Variants in ARMC2 observed in about 807,000 individuals in gnomAD.
The protein encoded by ARMC2 is armadillo repeat-containing protein 2.
ARMC2 carries 67 observed loss-of-function variants against 90.3 expected under a neutral mutation model. That is an observed-to-expected ratio of 0.74 (90% CI 0.61 to 0.91). ARMC2 has a LOEUF of 0.91. Ranked by LOEUF, ARMC2 falls within the 40% of genes least tolerant of loss-of-function variation. ARMC2 has a pLI of 0.00. For missense variants in ARMC2, 920 were observed against 1,030.9 expected (o/e 0.89, Z 1.47); for synonymous variants, 393 against 393.0 (o/e 1.00, Z 0.00).
chr6:108,950,184 C>T (rs535727740), intron 12 of ARMC2, among the ~76,000 whole-genome samples: 33 of 151,922 alleles, frequency 2.2e-4, no homozygotes, highest in East Asian at 1.2e-3. Flanking sequence ...CTAGCCTGGG[C>T]GACAGAGCAA....
the ARMC2 span, among the ~76,000 whole-genome samples, chr6:109,021,545 C>G: frequency 9.0e-4 from 137 of 152,062 alleles, no homozygotes; most frequent in African/African-American, 3.3e-3. Context: ...TCAAGCAATT[C>G]TCGTGCCTCA....
At chr6:108,972,639 G>A (rs1309526423) in intron 17 of ARMC2, among the ~76,000 whole-genome samples, 8 of 152,130 alleles carry the variant, frequency 5.3e-5, no homozygotes, top group Admixed American at 5.2e-4. Flanking sequence ...TAAGGAATTA[G>A]TTGAAATAAG....
chr6:108,879,122 A>G (rs928936968), intron 5 of ARMC2, among the ~76,000 whole-genome samples: 2 of 149,942 alleles, frequency 1.3e-5, no homozygotes, highest in African/African-American at 4.9e-5. Flanking sequence ...TCATCCATCC[A>G]TCCATCCATC....
At chr6:108,911,118 C>T (rs1353960684) in intron 9 of ARMC2, 117 bp downstream of exon 9, 1 of 672,330 alleles carries the variant, frequency 1.5e-6, no homozygotes, top group Non-Finnish European at 2.5e-6. Flanking sequence ...TAGAAACATG[C>T]AGAAGTTATG....
In ARMC2 at chr6:108,879,979, A is replaced by G. The variant is rs1700727445; in HGVS notation, c.671+3629A>G. The G allele has an allele frequency of 8.5e-6, 4 of 469,282 alleles. 1 individual carries two copies. The Middle Eastern group carries it at 1.3e-3, about 153-fold the overall frequency. 29.1% of individuals were successfully genotyped at this position (469,282 alleles called of 1,614,324 possible). On this transcript the variant is annotated intron_variant, in intron 5 of 17. Transcript: ENST00000392644. The stretch of plus-strand genomic sequence containing the variant: ...ACTAAGGCTTGAAAGCCTTACTAAT[A>G]AACTATCGAGTGCTCTTAGTATTGT...
chr6:108,913,817 T>C (rs1447893793), intron 10 of ARMC2, among the ~76,000 whole-genome samples: 1 of 152,196 alleles, frequency 6.6e-6, no homozygotes, highest in Non-Finnish European at 1.5e-5. Context: ...TTAGCTAACA[T>C]TGTTCACACT....
intron 12 of ARMC2, among the ~76,000 whole-genome samples, chr6:108,938,370 G>C (rs2128493675): frequency 6.7e-6 from 1 of 149,944 alleles, no homozygotes; most frequent in South Asian, 2.1e-4. Context: ...CCCAGCTTTA[G>C]CCTCCCAAGT....
chr6:108,898,251 G>T (rs1473877373), intron 6 of ARMC2, among the ~76,000 whole-genome samples: 2 of 152,118 alleles, frequency 1.3e-5, no homozygotes, highest in Admixed American at 6.5e-5. Context: ...TCCTCTGTCT[G>T]TCTCTGTCTC....
intron 1 of ARMC2, among the ~76,000 whole-genome samples, chr6:108,853,012 T>C (rs560316753): frequency 6.6e-6 from 1 of 152,310 alleles, no homozygotes; most frequent in African/African-American, 2.4e-5. Context: ...GGAAATAAAA[T>C]GTACTAGGCC....
chr6:108,984,717 G>T, the ARMC2 span, among the ~76,000 whole-genome samples: 1 of 152,102 alleles, frequency 6.6e-6, no homozygotes, highest in Non-Finnish European at 1.5e-5. Flanking sequence ...TTCATTGTTA[G>T]TGTATAGAAA....
chr6:108,974,536 TA>T (rs1554261673), downstream of ARMC2: 1 of 152,170 alleles, frequency 6.6e-6, no homozygotes, highest in Non-Finnish European at 1.5e-5. Context: ...GAAATAAAAA[TA>T]AATTTGCTGG....
At chr6:109,025,700 C>T in the ARMC2 span, among the ~76,000 whole-genome samples, 1 of 151,660 alleles carries the variant, frequency 6.6e-6, no homozygotes, top group Admixed American at 6.6e-5. Context: ...ACTTAAAATT[C>T]AATAAACAGC....
intron 13 of ARMC2, among the ~76,000 whole-genome samples, chr6:108,954,029 A>G (rs923528623): frequency 6.6e-6 from 1 of 152,092 alleles, no homozygotes; most frequent in Non-Finnish European, 1.5e-5. Context: ...TCACATGGCT[A>G]TTCCTTGGTG....
the ARMC2 span, chr6:109,000,790 G>A: frequency 7.9e-5 from 64 of 813,254 alleles, no homozygotes; most frequent in East Asian, 1.6e-4. Flanking sequence ...CAAATTTTCC[G>A]TAAACTACAG....
chr6:108,982,550 C>T, the ARMC2 span, among the ~76,000 whole-genome samples: 238 of 152,298 alleles, frequency 1.6e-3, no homozygotes, highest in South Asian at 3.1e-3. Context: ...GAACCTCCAT[C>T]GTGTTTAAGT....
At chr6:108,964,568 G>A (rs1778225760) in intron 16 of ARMC2, among the ~76,000 whole-genome samples, 1 of 152,176 alleles carries the variant, frequency 6.6e-6, no homozygotes, top group Non-Finnish European at 1.5e-5. Context: ...GAGGCCAGGA[G>A]TTCGAGAGCA....
At position 108,851,543 on chromosome 6, in the gene ARMC2, A is replaced by G. The variant is rs112096026; in HGVS notation, c.-43-2682A>G. ...GAATGGGTTAATAGTTGCAGCCCCA[A>G]TGCCTCTAAGTGCCCCACCTCCTAC... On this transcript the variant is annotated intron_variant, in intron 1 of 17. Transcript: ENST00000392644. Among the ~76,000 whole-genome samples, 234 of 152,252 alleles carry G rather than the reference A, an allele frequency of 1.5e-3. 1 individual carries two copies. Among genetic ancestry groups the G allele is most frequent in the Middle Eastern group, 6.8e-3 (2 of 294 alleles).
At chr6:108,998,577 C>G in the ARMC2 span, 7 of 1,613,924 alleles carry the variant, frequency 4.3e-6, no homozygotes, top group Non-Finnish European at 5.9e-6. Context: ...TGTAATGTCA[C>G]AGATGCAGTA....
intron 3 of ARMC2, among the ~76,000 whole-genome samples, chr6:108,859,966 T>G (rs1244917892): frequency 1.3e-5 from 2 of 151,204 alleles, no homozygotes; most frequent in Non-Finnish European, 2.9e-5. Flanking sequence ...ATTGCACCAT[T>G]GCACTCCAGC....
Sources: gnomAD v4.1 joint callset for allele counts (sites outside exome capture counted in the v4.1 genomes callset) on GRCh38, gnomAD v4.1.1 for gene constraint, MANE v1.5 for transcripts, NCBI Gene and HGNC (gene_info 2026-07-23, HGNC 2026-07-21) for gene names.